The following WNK3 variants were observed in gnomAD, a reference collection of about 807,000 sequenced individuals.
WNK3 encodes the protein serine/threonine-protein kinase WNK3.
WNK3 carries 18 observed loss-of-function variants against 116.7 expected under a neutral mutation model. The ratio of observed to expected loss-of-function variants is 0.15; its 90% CI spans 0.11 to 0.23. WNK3 has a LOEUF of 0.23. WNK3 is among the 10% of genes least tolerant of loss of function. The pLI is 1.00. For synonymous variants in WNK3, 404 were observed against 469.4 expected (o/e 0.86, Z 1.80); for missense variants, 993 against 1,323.8 (o/e 0.75, Z 3.88).
chrX:54,236,925 A>G lies in WNK3; in HGVS notation c.4628+13T>C. ...GGCAACCAGATTTGTGACAAAAGAG[A>G]AACAGTCCTTACTTTTCTCGTAATC... On this transcript the variant is annotated intron_variant, in intron 20 of 23. Coordinates refer to ENST00000354646, the Ensembl canonical transcript of WNK3. The G allele has an allele frequency of 1.7e-6, 2 of 1,175,323 alleles. No homozygotes were observed. Among genetic ancestry groups the G allele is most frequent in the Non-Finnish European group, 2.3e-6 (2 of 878,352 alleles).
chrX:54,214,972 C>T (rs2067666772), intron 22 of WNK3, among the ~76,000 whole-genome samples: 3 of 109,067 alleles, frequency 2.8e-5, no homozygotes, highest in African/African-American at 1.0e-4. Context: ...AAGATCACGC[C>T]ACTACGTGGT....
chrX:54,233,915 G>A (rs1046177049), intron 20 of WNK3, among the ~76,000 whole-genome samples: 2 of 109,816 alleles, frequency 1.8e-5, no homozygotes, highest in Non-Finnish European at 3.8e-5. Flanking sequence ...AGAGGTCAAG[G>A]CTTCAGTGAG....
chrX:54,213,553 C>CAAAAAAAAAAAA lies in WNK3; in HGVS notation c.4871-11361_4871-11360insTTTTTTTTTTTT, dbSNP rs782580375. Among the ~76,000 whole-genome samples the CAAAAAAAAAAAA allele has an allele frequency of 2.6e-3, 37 of 14,261 alleles. 3 individuals carry two copies. Among genetic ancestry groups the CAAAAAAAAAAAA allele is most frequent in the Middle Eastern group, 0.067 (2 of 30 alleles). The allele number at this position is 14,261 out of a possible 115,157, so 12.4% of individuals were successfully genotyped here. A position where few individuals can be genotyped will look rare whatever the true frequency, so the allele number is the denominator to read the frequency against. ...AGGGCGACAGAGTGAGACTCCGTCT[C>CAAAAAAAAAAAA]AAAAAAAAAAACAAACAAAAAAAAA... On this transcript the variant is annotated intron_variant, in intron 22 of 23. Coordinates refer to ENST00000354646, the Ensembl canonical transcript of WNK3.
chrX:54,297,848 C>T (rs1244988797), intron 7 of WNK3, among the ~76,000 whole-genome samples: 3 of 110,734 alleles, frequency 2.7e-5, no homozygotes, highest in Non-Finnish European at 5.7e-5. Context: ...CTGAGGTGGG[C>T]GGATCACAAG....
chrX:54,350,456 G>A (rs1441876277), intron 1 of WNK3, among the ~76,000 whole-genome samples: 2 of 110,533 alleles, frequency 1.8e-5, no homozygotes, highest in African/African-American at 6.6e-5. Context: ...ATACATGTAT[G>A]GTAAGGGGAT....
At chrX:54,253,715 A>G (rs956192400) in intron 13 of WNK3, among the ~76,000 whole-genome samples, 2 of 112,342 alleles carry the variant, frequency 1.8e-5, no homozygotes, top group Non-Finnish European at 3.8e-5. Flanking sequence ...ACATGCAATC[A>G]GAGATAAGAG....
chrX:54,301,933 T>C (rs2068762089), intron 5 of WNK3, 74 bp from the exon 6 acceptor site: 1 of 740,661 alleles, frequency 1.4e-6, no homozygotes, highest in Admixed American at 2.6e-5. Context: ...TTATTAAACA[T>C]TATTTTTATC....
chrX:54,241,096 G>C (rs187291400), intron 17 of WNK3, among the ~76,000 whole-genome samples: 1 of 111,589 alleles, frequency 9.0e-6, no homozygotes, highest in East Asian at 2.8e-4. Context: ...CCCCAAATAA[G>C]AGCAGTAAGA....
chrX:54,229,391 G>A (rs781972747), intron 21 of WNK3, among the ~76,000 whole-genome samples: 104 of 108,964 alleles, frequency 9.5e-4, no homozygotes, highest in African/African-American at 3.4e-3. Flanking sequence ...GATAGCCTAC[G>A]TTTATTGATT....
intron 22 of WNK3, among the ~76,000 whole-genome samples, chrX:54,213,038 A>G (rs1440303373): frequency 9.0e-6 from 1 of 110,591 alleles, no homozygotes; most frequent in Non-Finnish European, 1.9e-5. Context: ...GCAGTGGTGC[A>G]ATAACAATAA....
chrX:54,349,655 C>A (rs782354175), intron 1 of WNK3, among the ~76,000 whole-genome samples: 4 of 111,826 alleles, frequency 3.6e-5, no homozygotes, highest in African/African-American at 9.7e-5. Context: ...CCAAGAAAAT[C>A]TTGATAAAGA....
chrX:54,327,541 C>T (rs1313426706), intron 2 of WNK3, among the ~76,000 whole-genome samples: 4 of 111,330 alleles, frequency 3.6e-5, no homozygotes, highest in Non-Finnish European at 3.8e-5. Flanking sequence ...AAATCAAACA[C>T]GCAAAAATAA....
intron 7 of WNK3, among the ~76,000 whole-genome samples, 159 bp downstream of exon 7, chrX:54,298,016 T>C (rs918341680): frequency 3.6e-5 from 4 of 110,046 alleles, no homozygotes; most frequent in Admixed American, 2.0e-4. Flanking sequence ...GAGCTTGCAG[T>C]GAGCCGAGAT....
intron 10 of WNK3, among the ~76,000 whole-genome samples, chrX:54,266,503 T>C (rs1603385371): frequency 9.0e-6 from 1 of 111,108 alleles, no homozygotes; most frequent in Admixed American, 9.7e-5. Flanking sequence ...TTTACCCTGA[T>C]GTGATTATTA....
intron 21 of WNK3, 91 bp downstream of exon 21, chrX:54,232,718 C>T (rs2067915478): frequency 1.3e-6 from 1 of 776,041 alleles, no homozygotes; most frequent in African/African-American, 2.1e-5. Context: ...TTATTTTAGC[C>T]TAATTAAAAA....
At chrX:54,208,872 C>T (rs1557143211) in intron 22 of WNK3, among the ~76,000 whole-genome samples, 1 of 111,589 alleles carries the variant, frequency 9.0e-6, no homozygotes, top group Non-Finnish European at 1.9e-5. Context: ...CATATGTTCT[C>T]TCCCTATCCT....
Position 54,230,639 on chromosome X carries a change from T to A in WNK3, c.4841-1896A>T, listed in dbSNP as rs182540401. Among the ~76,000 whole-genome samples, 3 of 112,188 alleles carry A rather than the reference T, an allele frequency of 2.7e-5. No individual in the cohort carries two copies. In the Admixed American group the frequency reaches 2.8e-4, roughly 11 times the overall value. ...TAAAAAATGTTAAATATGCATACCA[T>A]ATGATGCAGCAATCTCATTTCTGGG... On this transcript the variant is annotated intron_variant, in intron 21 of 23. Coordinates refer to ENST00000354646, the Ensembl canonical transcript of WNK3.
intron 5 of WNK3, 32 bp from the exon 6 acceptor site, chrX:54,301,891 G>A: frequency 1.9e-6 from 2 of 1,047,929 alleles, no homozygotes; most frequent in Admixed American, 2.3e-5. Flanking sequence ...TAGTAACAAT[G>A]ATGCAATTGA....
At chrX:54,280,130 C>T (rs782072143) in intron 10 of WNK3, among the ~76,000 whole-genome samples, 3 of 111,546 alleles carry the variant, frequency 2.7e-5, no homozygotes, top group South Asian at 7.6e-4. Flanking sequence ...AACCCTGTCT[C>T]TCCTAAAAAT....
Sources: gnomAD v4.1 joint callset for allele counts (sites outside exome capture counted in the v4.1 genomes callset) on GRCh38, gnomAD v4.1.1 for gene constraint, MANE v1.5 for transcripts, NCBI Gene and HGNC (gene_info 2026-07-23, HGNC 2026-07-21) for gene names.